Variants in PPP2R3A observed in about 807,000 individuals in gnomAD.
PPP2R3A encodes protein phosphatase 2 regulatory subunit B''alpha, also known as serine/threonine-protein phosphatase 2A regulatory subunit B'' subunit alpha.
A neutral mutation model predicts 106.9 loss-of-function variants in PPP2R3A; 80 were observed. The ratio of observed to expected loss-of-function variants is 0.75; its 90% confidence interval spans 0.62 to 0.90. The LOEUF (loss-of-function observed/expected upper bound fraction) is 0.90. Among genes scored for constraint, PPP2R3A ranks in the 40% least tolerant of loss-of-function variants. The pLI is 0.00. For synonymous variants in PPP2R3A, 483 were observed against 468.3 expected, an observed-to-expected ratio of 1.03 and a Z score of -0.41; for missense variants, 1,386 against 1,350.4, an observed-to-expected ratio of 1.03 and a Z score of -0.41.
Position 136,002,549 on chromosome 3 carries a change from A to G in PPP2R3A, c.1051A>G (p.Ile351Val), listed in dbSNP as rs1021474803. The change falls in exon 2 of 14, where the codon ATT becomes GTT. Residue 351 changes from isoleucine to valine, a missense_variant. Transcript: ENST00000264977. Reference protein sequence around the residue: ...SASDSGRFQTIELQNDKPNSR... With the variant: ...SASDSGRFQTVELQNDKPNSR... Reference sequence around the variant, plus strand: ...TTCTGACTCTGGACGATTTCAAACTATTGAATTGCAAAATGACAAGCCTAA... The same window carrying G: ...TTCTGACTCTGGACGATTTCAAACTGTTGAATTGCAAAATGACAAGCCTAA... The G allele has an allele frequency of 2.8e-5, 45 of 1,613,814 alleles. No individual in the cohort carries two copies. The highest frequency in any genetic ancestry group is 3.6e-5 in the Non-Finnish European group (43 of 1,179,854).
At chr3:136,074,012 T>C (rs1472703255) in intron 6 of PPP2R3A, among the ~76,000 whole-genome samples, 1 of 152,240 alleles carries the variant, frequency 6.6e-6, no homozygotes, top group Non-Finnish European at 1.5e-5. Context: ...TCAGAATTAA[T>C]GACAGATATC....
chr3:136,003,623 TCTCA>T (rs1463411674), intron 2 of PPP2R3A, 130 bp downstream of exon 2: 4 of 737,816 alleles, frequency 5.4e-6, no homozygotes, highest in Admixed American at 3.3e-5. Context: ...CTAGGAATGA[TCTCA>T]CTCAGCTCAG....
At position 136,145,907 on chromosome 3, in the gene PPP2R3A, ACTTTTAT is replaced by A. The variant is rs1016324776; in HGVS notation, c.*749_*755del. The A allele has an allele frequency of 2.0e-5, 3 of 152,048 alleles. No individual in the cohort carries two copies. The East Asian group carries it at 5.8e-4, about 29-fold the overall frequency. The allele number at this position is 152,048 out of a possible 1,614,324, so 9.4% of individuals were successfully genotyped here. ...CTCATACTTGGAAAAAGCCCTTTTAACTTTTATCTTTTATTCATTGAACTATTGAATG... is the reference window on the plus strand; with the variant it reads ...CTCATACTTGGAAAAAGCCCTTTTAACTTTTATTCATTGAACTATTGAATG... On this transcript the variant is annotated 3_prime_UTR_variant, in exon 14 of 14. Coordinates refer to ENST00000264977, the MANE Select transcript of PPP2R3A (RefSeq NM_002718.5).
chr3:135,977,688 C>CTTTTTTTTTTTT lies in PPP2R3A; in HGVS notation c.-441+11856_-441+11867dup, dbSNP rs66592538. Among the ~76,000 whole-genome samples, 8 of 61,124 alleles carry CTTTTTTTTTTTT rather than the reference C, an allele frequency of 1.3e-4. 1 individual carries two copies. Among genetic ancestry groups the CTTTTTTTTTTTT allele is most frequent in the African/African-American group, 5.6e-4 (8 of 14,296 alleles). 40.1% of individuals were successfully genotyped at this position (61,124 alleles called of 152,430 possible). ...AAGTTGCATTCATCTGATCAGCATT[C>CTTTTTTTTTTTT]TTTTTTTTTTTTTTTTTTTTTTTTT... On this transcript the variant is annotated intron_variant, in intron 1 of 13. Transcript: ENST00000264977.
intron 13 of PPP2R3A, among the ~76,000 whole-genome samples, chr3:136,119,040 A>G (rs1937890932): frequency 6.6e-6 from 1 of 152,234 alleles, no homozygotes; most frequent in Admixed American, 6.5e-5. Context: ...CCAATGGAAC[A>G]GAACAGAGGC....
Position 136,026,980 on chromosome 3 carries a change from C to T in PPP2R3A, c.2144C>T (p.Pro715Leu), listed in dbSNP as rs1251959782. 2 of 1,613,432 alleles carry T rather than the reference C, an allele frequency of 1.2e-6. No individual in the cohort carries two copies. The highest frequency in any genetic ancestry group is 1.7e-6 in the Non-Finnish European group (2 of 1,179,412). The change falls in exon 3 of 14, where the codon CCT becomes CTT. Residue 715 changes from proline to leucine, a missense_variant. Transcript: ENST00000264977. ...LSINIPRFYFPEGLPDTCSNH... is the reference protein window; with the variant it reads ...LSINIPRFYFLEGLPDTCSNH... ...ATAAACATTCCACGGTTCTACTTTCCTGAAGGACTCCCAGATACCTGTAGT... is the reference window on the plus strand; with the variant it reads ...ATAAACATTCCACGGTTCTACTTTCTTGAAGGACTCCCAGATACCTGTAGT...
Position 136,145,220 on chromosome 3 carries a change from T to G in PPP2R3A, c.*54T>G. 3 of 1,559,598 alleles carry G rather than the reference T, an allele frequency of 1.9e-6. No individual in the cohort carries two copies. Among genetic ancestry groups the G allele is most frequent in the Non-Finnish European group, 2.6e-6 (3 of 1,154,864 alleles). ...GTGTATTTTAAATGTTTCTTTCTTG[T>G]GAAGAGATGTTCTCGTTTGCATACT... On this transcript the variant is annotated 3_prime_UTR_variant, in exon 14 of 14. Coordinates refer to ENST00000264977, the MANE Select transcript of PPP2R3A (RefSeq NM_002718.5).
intron 13 of PPP2R3A, among the ~76,000 whole-genome samples, chr3:136,115,012 G>A (rs1186733754): frequency 6.6e-6 from 1 of 152,208 alleles, no homozygotes; most frequent in Non-Finnish European, 1.5e-5. Context: ...CCTCATACAG[G>A]AGAGTTCTGG....
In PPP2R3A at chr3:136,047,082, G is replaced by A. The variant is rs950778508; in HGVS notation, c.2367-2177G>A. On this transcript the variant is annotated intron_variant, in intron 4 of 13. Coordinates refer to ENST00000264977, the MANE Select transcript of PPP2R3A (RefSeq NM_002718.5). ...AAAAATGAAAACTCTCAGAAATATGGGATTATGTAAAGAGACCAAACCTAT... is the reference window on the plus strand; with the variant it reads ...AAAAATGAAAACTCTCAGAAATATGAGATTATGTAAAGAGACCAAACCTAT... 2.0e-5 allele frequency among the ~76,000 whole-genome samples: 3 copies of A among 152,122 alleles called. No individual in the cohort carries two copies. In the East Asian group the frequency reaches 5.8e-4, roughly 29 times the overall value.
intron 3 of PPP2R3A, among the ~76,000 whole-genome samples, chr3:136,033,712 T>C (rs1191936570): frequency 1.3e-5 from 2 of 152,198 alleles, no homozygotes; most frequent in African/African-American, 4.8e-5. Context: ...TCTGTATTTC[T>C]GTGGTGTCAG....
At position 136,084,356 on chromosome 3, in the gene PPP2R3A, G is replaced by T. The variant is rs561170282; in HGVS notation, c.2788+1935G>T. 7.2e-5 allele frequency among the ~76,000 whole-genome samples: 11 copies of T among 152,364 alleles called. No individual in the cohort carries two copies. In the South Asian group the frequency reaches 2.3e-3, roughly 32 times the overall value. ...GTGGCGTCCACGTGGTGTTGGTTCT[G>T]TGGGTACACAGAAGTCAAGTATTGA... On this transcript the variant is annotated intron_variant, in intron 8 of 13. Transcript: ENST00000264977.
intron 13 of PPP2R3A, among the ~76,000 whole-genome samples, chr3:136,118,730 C>CAAAT (rs147199800): frequency 0.04 from 6,144 of 152,158 alleles, 437 homozygotes; most frequent in African/African-American, 0.14. Flanking sequence ...AGAGAGGACA[C>CAAAT]AAATGGGAAA....
chr3:136,069,109 A>G (rs1421956279), intron 5 of PPP2R3A, among the ~76,000 whole-genome samples: 1 of 152,230 alleles, frequency 6.6e-6, no homozygotes. Flanking sequence ...TGGAACAGAA[A>G]AAGACATTAG....
intron 5 of PPP2R3A, among the ~76,000 whole-genome samples, chr3:136,063,088 A>G (rs1237368662): frequency 2.0e-5 from 3 of 152,218 alleles, no homozygotes; most frequent in Non-Finnish European, 4.4e-5. Context: ...GACCAATGGA[A>G]TAGAACAGAG....
At chr3:136,136,085 T>G (rs1482061116) in intron 13 of PPP2R3A, among the ~76,000 whole-genome samples, 1 of 120,390 alleles carries the variant, frequency 8.3e-6, no homozygotes, top group Non-Finnish European at 1.7e-5. Flanking sequence ...TATATATATA[T>G]ATATATATAA....
intron 3 of PPP2R3A, among the ~76,000 whole-genome samples, chr3:136,032,562 C>T (rs968530451): frequency 1.3e-5 from 2 of 150,064 alleles, no homozygotes; most frequent in Admixed American, 6.7e-5. Flanking sequence ...GAGTCTCGCT[C>T]TGTCGCCCAG....
chr3:136,137,776 C>T (rs1001778570), intron 13 of PPP2R3A, among the ~76,000 whole-genome samples: 9 of 151,872 alleles, frequency 5.9e-5, no homozygotes, highest in Non-Finnish European at 1.3e-4. Flanking sequence ...CTCCTGACCT[C>T]GTGATCCGCC....
intron 8 of PPP2R3A, among the ~76,000 whole-genome samples, chr3:136,084,700 G>C (rs1310181848): frequency 6.6e-6 from 1 of 152,220 alleles, no homozygotes; most frequent in African/African-American, 2.4e-5. Context: ...AAAGGCACAG[G>C]GGTGGACCTG....
At chr3:136,013,186 G>T (rs903166538) in intron 2 of PPP2R3A, among the ~76,000 whole-genome samples, 1 of 143,128 alleles carries the variant, frequency 7.0e-6, no homozygotes, top group Non-Finnish European at 1.5e-5. Context: ...GTGTGTGTAT[G>T]TATGTATGTA....
Sources: gnomAD v4.1 joint callset for allele counts (sites outside exome capture counted in the v4.1 genomes callset) on GRCh38, gnomAD v4.1.1 for gene constraint, MANE v1.5 for transcripts, NCBI Gene and HGNC (gene_info 2026-07-23, HGNC 2026-07-21) for gene names.